Variants in JAZF1 observed in about 807,000 individuals in gnomAD.
JAZF1 encodes the protein juxtaposed with another zinc finger protein 1.
A neutral mutation model predicts 26.4 loss-of-function variants in JAZF1; 8 were observed. That is an observed-to-expected ratio of 0.30 (90% CI 0.18 to 0.55). The LOEUF (loss-of-function observed/expected upper bound fraction) is 0.55, where lower values mean the gene tolerates loss of function less well. JAZF1 is among the 20% of genes least tolerant of loss of function. JAZF1 has a pLI of 0.94. For missense variants in JAZF1, 199 were observed against 322.0 expected (o/e 0.62, Z 2.92); for synonymous variants, 126 against 122.3 (o/e 1.03, Z -0.20).
Position 27,840,608 on chromosome 7 carries a change from C to G in JAZF1, c.555+90G>C. The stretch of plus-strand genomic sequence containing the variant: ...GGAGTGTCTCCCCCCAGCCCATACG[C>G]TCGCTTTAAAATCAAGAAAGGGCTG... On this transcript the variant is annotated intron_variant, in intron 4 of 4. Coordinates refer to ENST00000283928, the MANE Select transcript of JAZF1 (RefSeq NM_175061.4). This position sits in a 1 kb window ranked among gnomAD's most constrained non-coding sequence, Gnocchi z 5.1. 2 of 1,359,438 alleles carry G rather than the reference C, an allele frequency of 1.5e-6. No individual in the cohort carries two copies. The highest frequency in any genetic ancestry group is 2.1e-6 in the Non-Finnish European group (2 of 969,836). The allele number at this position is 1,359,438 out of a possible 1,614,324, so 84.2% of individuals were successfully genotyped here.
At chr7:27,895,653 G>T (rs28429490) in intron 2 of JAZF1, among the ~76,000 whole-genome samples, 1 of 152,076 alleles carries the variant, frequency 6.6e-6, no homozygotes, top group Non-Finnish European at 1.5e-5. Flanking sequence ...AATCCTCCTT[G>T]CCAGGAAGCT....
intron 1 of JAZF1, among the ~76,000 whole-genome samples, chr7:28,167,631 A>G (rs112405494): frequency 6.6e-6 from 1 of 152,162 alleles, no homozygotes; most frequent in Non-Finnish European, 1.5e-5. Flanking sequence ...AAGATGCTCA[A>G]TTCACCTGCA....
intron 2 of JAZF1, among the ~76,000 whole-genome samples, chr7:27,931,696 T>C (rs1011771214): frequency 6.6e-6 from 1 of 152,158 alleles, no homozygotes; most frequent in Non-Finnish European, 1.5e-5. Flanking sequence ...TGCACACCTG[T>C]AATCCCAGCT....
intron 1 of JAZF1, among the ~76,000 whole-genome samples, chr7:27,999,286 C>T (rs1786084803): frequency 6.6e-6 from 1 of 152,150 alleles, no homozygotes; most frequent in African/African-American, 2.4e-5. Context: ...AATATACATG[C>T]CTGCTTTCTC....
intron 3 of JAZF1, among the ~76,000 whole-genome samples, chr7:27,870,072 TTAA>T (rs1783553272): frequency 8.1e-6 from 1 of 124,012 alleles, no homozygotes; most frequent in Non-Finnish European, 1.7e-5. Flanking sequence ...CCACACCCGG[TTAA>T]TTTTTTTTTT....
chr7:28,090,704 C>A (rs1446331949), intron 1 of JAZF1, among the ~76,000 whole-genome samples: 1 of 152,168 alleles, frequency 6.6e-6, no homozygotes, highest in African/African-American at 2.4e-5. Flanking sequence ...TTAGTGGAAC[C>A]TGAATCAAAG....
chr7:28,101,579 A>G (rs1213668258), intron 1 of JAZF1, among the ~76,000 whole-genome samples: 2 of 147,312 alleles, frequency 1.4e-5, no homozygotes, highest in East Asian at 4.0e-4. Context: ...TCTATATTAA[A>G]AAAAAAAAAA....
At chr7:27,933,169 C>T (rs1299888478) in intron 2 of JAZF1, among the ~76,000 whole-genome samples, 1 of 152,118 alleles carries the variant, frequency 6.6e-6, no homozygotes, top group Non-Finnish European at 1.5e-5. Flanking sequence ...TAAAATAATG[C>T]TCTGAAATTA....
In JAZF1 at chr7:27,903,510, T is replaced by C. The variant is rs554912773; in HGVS notation, c.189-8094A>G. Among the ~76,000 whole-genome samples, 17 of 152,304 alleles carry C rather than the reference T, an allele frequency of 1.1e-4. No homozygotes were observed. The South Asian group carries it at 2.9e-3, about 26-fold the overall frequency. Reference sequence around the variant, plus strand: ...GTGCCCGGCCCAGGCATCTATTAAATTGCAATGGTATCTATTAAATGGCAA... The same window carrying C: ...GTGCCCGGCCCAGGCATCTATTAAACTGCAATGGTATCTATTAAATGGCAA... On this transcript the variant is annotated intron_variant, in intron 2 of 4. Coordinates refer to ENST00000283928, the MANE Select transcript of JAZF1 (RefSeq NM_175061.4).
intron 1 of JAZF1, among the ~76,000 whole-genome samples, chr7:28,050,213 G>C (rs140729305): frequency 1.3e-5 from 2 of 152,248 alleles, no homozygotes; most frequent in East Asian, 1.9e-4. Context: ...AAAATTACAA[G>C]GGTTTTAGGA....
intron 3 of JAZF1, among the ~76,000 whole-genome samples, chr7:27,844,756 T>A (rs900871125): frequency 9.2e-5 from 14 of 152,262 alleles, no homozygotes; most frequent in African/African-American, 3.4e-4. Flanking sequence ...CACCTCACTT[T>A]GAGCCCACTG....
chr7:27,994,307 A>C (rs1206493272), intron 1 of JAZF1, among the ~76,000 whole-genome samples: 4 of 152,200 alleles, frequency 2.6e-5, no homozygotes, highest in African/African-American at 9.7e-5. Context: ...TTGCAAAGCA[A>C]GGTTTTAAAG....
At chr7:27,988,743 T>C (rs1472561772) in intron 2 of JAZF1, among the ~76,000 whole-genome samples, 1 of 152,106 alleles carries the variant, frequency 6.6e-6, no homozygotes, top group Non-Finnish European at 1.5e-5. Flanking sequence ...TTATACTGTT[T>C]TATTTCTGGT....
intron 1 of JAZF1, among the ~76,000 whole-genome samples, chr7:27,998,071 A>AAGGAAGGAAGGAAGGCAGGCAGGC (rs10691690): frequency 2.7e-4 from 30 of 111,586 alleles, no homozygotes; most frequent in African/African-American, 1.0e-3. Flanking sequence ...GGAAGGAAGG[A>AAGGAAGGAAGGAAGGCAGGCAGGC]AGGCAGGCAG....
intron 2 of JAZF1, among the ~76,000 whole-genome samples, chr7:27,912,492 T>C (rs1244149817): frequency 1.3e-5 from 2 of 151,840 alleles, no homozygotes; most frequent in Non-Finnish European, 2.9e-5. Flanking sequence ...ACGATAGGAG[T>C]CCGAAACTCT....
rs373831733 is a variant in JAZF1, at chr7:28,080,987, G to A, written c.116-89006C>T. 2.6e-5 allele frequency among the ~76,000 whole-genome samples: 4 copies of A among 152,022 alleles called. No individual in the cohort carries two copies. In the South Asian group the frequency reaches 6.2e-4, roughly 24 times the overall value. On this transcript the variant is annotated intron_variant, in intron 1 of 4. Coordinates refer to ENST00000283928, the MANE Select transcript of JAZF1 (RefSeq NM_175061.4). Reference sequence around the variant, plus strand: ...TGCCAAGTGTGGTAAAGCAAGGTGTGCCTGTAGGGGGGAAGGGAGGGCATC... The same window carrying A: ...TGCCAAGTGTGGTAAAGCAAGGTGTACCTGTAGGGGGGAAGGGAGGGCATC...
intron 1 of JAZF1, among the ~76,000 whole-genome samples, chr7:28,039,016 C>A (rs1461859479): frequency 6.6e-6 from 1 of 152,070 alleles, no homozygotes; most frequent in Admixed American, 6.6e-5. Context: ...ATTGATTAGA[C>A]CTGCATACTA....
At chr7:27,890,390 G>C (rs973053573) in intron 3 of JAZF1, among the ~76,000 whole-genome samples, 1 of 152,228 alleles carries the variant, frequency 6.6e-6, no homozygotes, top group Non-Finnish European at 1.5e-5. Context: ...TTGAATGGTA[G>C]AGCTGTGTGA....
At chr7:27,977,974 G>C (rs1785504825) in intron 2 of JAZF1, among the ~76,000 whole-genome samples, 1 of 152,144 alleles carries the variant, frequency 6.6e-6, no homozygotes. Flanking sequence ...TTGTACATTT[G>C]TCCAGTTGTT....
Sources: gnomAD v4.1 joint callset for allele counts (sites outside exome capture counted in the v4.1 genomes callset) on GRCh38, gnomAD v4.1.1 for gene constraint, Gnocchi (gnomAD v3.1) non-coding constraint, MANE v1.5 for transcripts, NCBI Gene and HGNC (gene_info 2026-07-23, HGNC 2026-07-21) for gene names.